AGAP1: variants seen among roughly 807,000 people sequenced by gnomAD.
AGAP1 encodes the protein ArfGAP with GTPase domain, ankyrin repeat and PH domain 1.
Under a neutral mutation model 105.3 loss-of-function variants are expected in AGAP1, and 29 were observed. That is an observed-to-expected ratio of 0.28 (90% CI 0.21 to 0.38). The LOEUF is 0.38. Among genes scored for constraint, AGAP1 ranks in the 10% least tolerant of loss-of-function variants. The probability of loss-of-function intolerance (pLI) is 1.00; values close to 1 mark genes in which losing one functional copy is unlikely to be tolerated. For synonymous variants in AGAP1, 509 were observed against 485.9 expected (o/e 1.05, Z -0.63); for missense variants, 998 against 1,165.1 (o/e 0.86, Z 2.09).
rs1173285840 is a variant in AGAP1, at chr2:235,747,062, G to A, written c.538+2223G>A. ...TTCCCAGAAGACACTCAGTGCATCC[G>A]TGGGTATGTGATAGGCATCTTAACA... is the stretch of plus-strand genomic sequence containing the variant. On this transcript the variant is annotated intron_variant, in intron 5 of 17. Transcript: ENST00000304032. The surrounding 1 kb of genome is among the most constrained non-coding windows in gnomAD (Gnocchi z 5.0). Among the ~76,000 whole-genome samples, 2 of 152,152 alleles carry A rather than the reference G, an allele frequency of 1.3e-5. No homozygotes were observed. The highest frequency in any genetic ancestry group is 1.9e-4 in the East Asian group (1 of 5,176).
At chr2:236,091,206 C>A (rs1364443326) in intron 16 of AGAP1, among the ~76,000 whole-genome samples, 1 of 152,214 alleles carries the variant, frequency 6.6e-6, no homozygotes, top group Non-Finnish European at 1.5e-5. Flanking sequence ...GCCTGTCTCT[C>A]TGTGCAGCAA....
In AGAP1 at chr2:235,999,510, A is replaced by ATGG. The variant is rs371247715; in HGVS notation, c.1645+30902_1645+30904dup. On this transcript the variant is annotated intron_variant, in intron 13 of 17. Transcript: ENST00000304032. ...GTGAGAGGTGGTGGTGGTAGTGGTG[A>ATGG]TGGTGGTGGTGGTGGTGATGATGAT... Among the ~76,000 whole-genome samples, 972 of 102,874 alleles carry ATGG rather than the reference A, an allele frequency of 9.4e-3. 36 individuals are homozygous for ATGG. The highest frequency in any genetic ancestry group is 0.075 in the Admixed American group (828 of 11,018). The allele number at this position is 102,874 out of a possible 152,430, so 67.5% of individuals were successfully genotyped here. A position where few individuals can be genotyped will look rare whatever the true frequency, so the allele number is the denominator to read the frequency against.
intron 1 of AGAP1, chr2:235,670,066 G>T (rs1948295390): frequency 5.0e-6 from 2 of 400,894 alleles, no homozygotes; most frequent in Non-Finnish European, 4.4e-6. Flanking sequence ...CCGCGGGCTC[G>T]CTGGATGCGG....
Position 235,818,442 on chromosome 2 carries a change from TTTTG to T in AGAP1, c.1050+11127_1050+11130del, listed in dbSNP as rs529896706. ...TCTGTGCTCACCATGACCGTCTTTTTTTTGTTTGTTTGTTTGTTTTGAGACAGTC... is the reference window on the plus strand; with the variant it reads ...TCTGTGCTCACCATGACCGTCTTTTTTTTGTTTGTTTGTTTTGAGACAGTC... On this transcript the variant is annotated intron_variant, in intron 9 of 17. Transcript: ENST00000304032. Among the ~76,000 whole-genome samples, 1,007 of 152,212 alleles carry T rather than the reference TTTTG, an allele frequency of 6.6e-3. 15 individuals carry two copies. Among genetic ancestry groups the T allele is most frequent in the African/African-American group, 0.023 (944 of 41,516 alleles).
chr2:236,027,320 G>A lies in AGAP1; in HGVS notation c.1646-9241G>A, dbSNP rs934849296. ...GGCCTAGCATAGCTGGATTCCACTCGGCAGTGTTGGTGTAGAGTGGCCTTA... is the reference window on the plus strand; with the variant it reads ...GGCCTAGCATAGCTGGATTCCACTCAGCAGTGTTGGTGTAGAGTGGCCTTA... On this transcript the variant is annotated intron_variant, in intron 13 of 17. Transcript: ENST00000304032. This position sits in a 1 kb window ranked among gnomAD's most constrained non-coding sequence, Gnocchi z 4.4. Among the ~76,000 whole-genome samples, 3 of 152,126 alleles carry A rather than the reference G, an allele frequency of 2.0e-5. No homozygotes were observed. The highest frequency in any genetic ancestry group is 3.9e-4 in the East Asian group (2 of 5,182).
At chr2:236,041,980 A>G (rs2057562177) in intron 15 of AGAP1, among the ~76,000 whole-genome samples, 1 of 152,206 alleles carries the variant, frequency 6.6e-6, no homozygotes, top group Admixed American at 6.5e-5. Context: ...GGGTGGTTGT[A>G]GGATTAGAGA....
chr2:235,823,661 A>G (rs1958922453), intron 9 of AGAP1, among the ~76,000 whole-genome samples: 1 of 152,198 alleles, frequency 6.6e-6, no homozygotes, highest in Admixed American at 6.5e-5. Context: ...AATAGAAATA[A>G]CAAGTAGTGG....
At position 235,635,157 on chromosome 2, in the gene AGAP1, T is replaced by TA. The variant is rs1455077139; in HGVS notation, c.164-74021dup. Among the ~76,000 whole-genome samples the TA allele has an allele frequency of 2.0e-5, 3 of 152,174 alleles. No homozygotes were observed. The highest frequency in any genetic ancestry group is 2.0e-4 in the Admixed American group (3 of 15,272). On this transcript the variant is annotated intron_variant, in intron 1 of 17. Coordinates refer to ENST00000304032, the MANE Select transcript of AGAP1 (RefSeq NM_001037131.3). The surrounding 1 kb of genome is among the most constrained non-coding windows in gnomAD (Gnocchi z 5.3). ...TATAAGTAGAAAGAGCAGCTGGACT[T>TA]AGAGACAGGCGTCCTGAGTGTTGAT...
intron 1 of AGAP1, among the ~76,000 whole-genome samples, chr2:235,580,412 C>T (rs532112766): frequency 5.2e-4 from 79 of 151,316 alleles, no homozygotes; most frequent in Non-Finnish European, 9.0e-4. Flanking sequence ...GCATCTCCTT[C>T]ACAGTGGCAG....
intron 12 of AGAP1, among the ~76,000 whole-genome samples, chr2:235,937,572 T>C (rs1403745415): frequency 6.6e-6 from 1 of 151,734 alleles, no homozygotes; most frequent in Non-Finnish European, 1.5e-5. Flanking sequence ...GCAAAAAAAA[T>C]CTAGAAATGC....
At chr2:235,798,501 G>T (rs1227474540) in intron 7 of AGAP1, among the ~76,000 whole-genome samples, 1 of 152,184 alleles carries the variant, frequency 6.6e-6, no homozygotes, top group Non-Finnish European at 1.5e-5. Context: ...ATGGTGGAAG[G>T]GTTCGGTGTC....
Position 235,908,613 on chromosome 2 carries a change from G to T in AGAP1, c.1156-125G>T. On this transcript the variant is annotated intron_variant, in intron 10 of 17. Transcript: ENST00000304032. The surrounding 1 kb of genome is among the most constrained non-coding windows in gnomAD (Gnocchi z 4.4). ...AGATAAAAATCTCATGATTTTTAAA[G>T]TACTTTCCACAGTGGAAGGGTCATA... The T allele has an allele frequency of 1.3e-6, 1 of 789,396 alleles. No individual in the cohort carries two copies. The highest frequency in any genetic ancestry group is 2.5e-5 in the South Asian group (1 of 40,540). 48.9% of individuals were successfully genotyped at this position (789,396 alleles called of 1,614,324 possible).
In AGAP1 at chr2:236,024,018, GTTGTTTTTTTTTT is replaced by G. The variant is rs1345518942; in HGVS notation, c.1646-12527_1646-12515del. Among the ~76,000 whole-genome samples the G allele has an allele frequency of 3.6e-5, 3 of 84,474 alleles. No homozygotes were observed. The East Asian group carries it at 8.3e-4, about 23-fold the overall frequency. 55.4% of individuals were successfully genotyped at this position (84,474 alleles called of 152,430 possible). ...TGCACCCATCAGTAGTTTGTGGTTG[GTTGTTTTTTTTTT>G]TTGTTTTTTTTTTTTTTTGGAGACA... On this transcript the variant is annotated intron_variant, in intron 13 of 17. Coordinates refer to ENST00000304032, the MANE Select transcript of AGAP1 (RefSeq NM_001037131.3).
chr2:236,024,760 C>T (rs946393496), intron 13 of AGAP1, among the ~76,000 whole-genome samples: 2 of 152,208 alleles, frequency 1.3e-5, no homozygotes, highest in African/African-American at 4.8e-5. Flanking sequence ...CCCATGGGGC[C>T]TTGTCTGCAT....
chr2:235,895,666 CA>C (rs1354520059), intron 10 of AGAP1, among the ~76,000 whole-genome samples: 2 of 152,028 alleles, frequency 1.3e-5, no homozygotes, highest in Admixed American at 1.3e-4. Flanking sequence ...TATATGTCAC[CA>C]ATGTATCTCT....
rs13412885 is a variant in AGAP1, at chr2:235,919,644, A to G, written c.1324+10738A>G. 3.5e-4 allele frequency among the ~76,000 whole-genome samples: 53 copies of G among 152,330 alleles called. 1 individual carries two copies. Among genetic ancestry groups the G allele is most frequent in the Admixed American group, 2.2e-3 (33 of 15,302 alleles). The stretch of plus-strand genomic sequence containing the variant: ...CTCCTGGAAGGGGACTGTAAAATTC[A>G]GAGATGACCGGGGAACGCTCCCCTC... On this transcript the variant is annotated intron_variant, in intron 11 of 17. Transcript: ENST00000304032. The surrounding 1 kb of genome is among the most constrained non-coding windows in gnomAD (Gnocchi z 4.1).
intron 11 of AGAP1, among the ~76,000 whole-genome samples, chr2:235,911,565 G>A (rs544354586): frequency 6.6e-6 from 1 of 152,336 alleles, no homozygotes; most frequent in Non-Finnish European, 1.5e-5. Context: ...TGTCCTAAGG[G>A]AAACACTAAT....
At chr2:235,726,600 T>G (rs1951660410) in intron 3 of AGAP1, among the ~76,000 whole-genome samples, 1 of 152,196 alleles carries the variant, frequency 6.6e-6, no homozygotes. Context: ...TCTGCCCATG[T>G]CTTTGGCCTT....
At chr2:235,806,702 C>G (rs751740157) in intron 8 of AGAP1, among the ~76,000 whole-genome samples, 1 of 152,108 alleles carries the variant, frequency 6.6e-6, no homozygotes, top group Admixed American at 6.5e-5. Flanking sequence ...AGCTTAACTT[C>G]GAATTTGCCA....
Sources: allele counts gnomAD v4.1 joint callset (sites outside exome capture counted in the v4.1 genomes callset), GRCh38; gene constraint gnomAD v4.1.1; non-coding constraint Gnocchi (gnomAD v3.1); transcripts MANE v1.5; gene names NCBI Gene and HGNC (gene_info 2026-07-23, HGNC 2026-07-21).